The following KCNMA1 variants were observed in gnomAD, a reference collection of about 807,000 sequenced individuals.
The protein encoded by KCNMA1 is potassium calcium-activated channel subfamily M alpha 1.
A neutral mutation model predicts 140.0 loss-of-function variants in KCNMA1; 29 were observed. That is an observed-to-expected ratio of 0.21 (90% CI 0.15 to 0.28). The LOEUF is 0.28. Among genes scored for constraint, KCNMA1 ranks in the 10% least tolerant of loss-of-function variants. The probability of loss-of-function intolerance (pLI) is 1.00; values close to 1 mark genes in which losing one functional copy is unlikely to be tolerated. For synonymous variants in KCNMA1, 612 were observed against 611.9 expected (o/e 1.00, Z 0.00); for missense variants, 880 against 1,602.2 (o/e 0.55, Z 7.70).
chr10:77,383,347 G>A (rs889067978), intron 2 of KCNMA1, among the ~76,000 whole-genome samples: 1 of 151,792 alleles, frequency 6.6e-6, no homozygotes, highest in Non-Finnish European at 1.5e-5. Flanking sequence ...TGTGCTGGGG[G>A]CTTCTAGAAA....
In KCNMA1 at chr10:77,141,989, C is replaced by G. The variant is rs2098182597; in HGVS notation, c.809-20941G>C. On this transcript the variant is annotated intron_variant, in intron 5 of 27. Coordinates refer to ENST00000286628, the MANE Select transcript of KCNMA1 (RefSeq NM_001161352.2). Reference sequence around the variant, plus strand: ...TAACAGGAACAATGCACAAGTCCAGCCTTGGTGGCATTTATAGTATAATCA... The same window carrying G: ...TAACAGGAACAATGCACAAGTCCAGGCTTGGTGGCATTTATAGTATAATCA... 2.0e-5 allele frequency among the ~76,000 whole-genome samples: 3 copies of G among 152,264 alleles called. No homozygotes were observed. In the South Asian group the frequency reaches 6.2e-4, roughly 32 times the overall value.
At chr10:76,966,376 T>C (rs1043045459) in intron 20 of KCNMA1, among the ~76,000 whole-genome samples, 1 of 152,196 alleles carries the variant, frequency 6.6e-6, no homozygotes, top group African/African-American at 2.4e-5. Flanking sequence ...AAACTGAATG[T>C]GATTGTAACC....
At chr10:77,133,884 A>G (rs2097917330) in intron 5 of KCNMA1, among the ~76,000 whole-genome samples, 1 of 152,174 alleles carries the variant, frequency 6.6e-6, no homozygotes, top group Admixed American at 6.5e-5. Flanking sequence ...AAAATGCAAA[A>G]ATCATCTAAG....
chr10:76,913,033 T>G (rs1453265382), intron 24 of KCNMA1: 1 of 152,192 alleles, frequency 6.6e-6, no homozygotes, highest in Non-Finnish European at 1.5e-5. Context: ...TGCTGAGTGG[T>G]GGACAATTTA....
chr10:77,205,651 T>C (rs1370827789), intron 3 of KCNMA1, among the ~76,000 whole-genome samples: 2 of 152,222 alleles, frequency 1.3e-5, no homozygotes, highest in Admixed American at 6.5e-5. Context: ...ATGCTGCATA[T>C]ATGATGAAGA....
intron 1 of KCNMA1, among the ~76,000 whole-genome samples, chr10:77,630,647 T>C (rs1396211037): frequency 6.6e-6 from 1 of 152,206 alleles, no homozygotes; most frequent in African/African-American, 2.4e-5. Context: ...AGGGATGGAC[T>C]GCACGGAGGC....
At chr10:77,397,080 A>G (rs1040302555) in intron 2 of KCNMA1, among the ~76,000 whole-genome samples, 4 of 152,184 alleles carry the variant, frequency 2.6e-5, no homozygotes, top group African/African-American at 9.6e-5. Flanking sequence ...TGAGATCAAC[A>G]TGGAAATGAA....
intron 6 of KCNMA1, among the ~76,000 whole-genome samples, chr10:77,120,684 T>C (rs141117391): frequency 2.0e-5 from 3 of 152,124 alleles, no homozygotes; most frequent in Non-Finnish European, 4.4e-5. Flanking sequence ...GTGGCTCTTA[T>C]CTGGGCAACC....
At chr10:77,377,266 A>G (rs1241510298) in intron 2 of KCNMA1, among the ~76,000 whole-genome samples, 1 of 152,172 alleles carries the variant, frequency 6.6e-6, no homozygotes, top group African/African-American at 2.4e-5. Context: ...ACAGGAGAAC[A>G]GCATTTCCTA....
intron 12 of KCNMA1, among the ~76,000 whole-genome samples, chr10:77,082,829 A>G (rs1038700612): frequency 2.0e-5 from 3 of 152,190 alleles, no homozygotes; most frequent in African/African-American, 7.2e-5. Flanking sequence ...CATATTGCCA[A>G]AGAAAACTGA....
intron 5 of KCNMA1, among the ~76,000 whole-genome samples, chr10:77,178,627 C>T (rs111964651): frequency 3.9e-3 from 598 of 152,242 alleles, no homozygotes; most frequent in Middle Eastern, 6.8e-3. Context: ...ATCGCTTGAA[C>T]CCAGGAGGCA....
intron 1 of KCNMA1, among the ~76,000 whole-genome samples, chr10:77,582,569 T>TA (rs1359429467): frequency 6.6e-6 from 1 of 152,158 alleles, no homozygotes; most frequent in African/African-American, 2.4e-5. Flanking sequence ...TCCCAGAACT[T>TA]AAAGTAAAAT....
intron 2 of KCNMA1, among the ~76,000 whole-genome samples, chr10:77,386,561 G>T (rs2095610377): frequency 6.6e-6 from 1 of 152,242 alleles, no homozygotes; most frequent in Admixed American, 6.5e-5. Flanking sequence ...CAGTGAAACA[G>T]ATGCCAGGGT....
At chr10:77,081,639 C>G (rs1295536115) in intron 12 of KCNMA1, among the ~76,000 whole-genome samples, 1 of 152,176 alleles carries the variant, frequency 6.6e-6, no homozygotes, top group Non-Finnish European at 1.5e-5. Context: ...TAAAGCCTCT[C>G]CCAGCACAAA....
intron 1 of KCNMA1, among the ~76,000 whole-genome samples, chr10:77,411,094 C>G (rs2096609046): frequency 6.6e-6 from 1 of 152,210 alleles, no homozygotes; most frequent in African/African-American, 2.4e-5. Flanking sequence ...CCTCTGCCTC[C>G]TGGGTTCAAG....
At chr10:77,307,388 G>C (rs1006193755) in intron 2 of KCNMA1, among the ~76,000 whole-genome samples, 2 of 152,178 alleles carry the variant, frequency 1.3e-5, no homozygotes, top group African/African-American at 4.8e-5. Context: ...TGTACTTCAA[G>C]TACCCATACG....
intron 1 of KCNMA1, among the ~76,000 whole-genome samples, chr10:77,565,684 G>T (rs750398718): frequency 3.5e-4 from 54 of 152,360 alleles, no homozygotes; most frequent in Middle Eastern, 3.4e-3. Flanking sequence ...GAGGGTAGTT[G>T]TAAGAAGGAA....
chr10:77,026,086 C>T (rs1013799692), intron 16 of KCNMA1, among the ~76,000 whole-genome samples: 2 of 151,450 alleles, frequency 1.3e-5, no homozygotes, highest in Non-Finnish European at 2.9e-5. Flanking sequence ...AATTGAAGGG[C>T]CTATCCAAGA....
rs539845688 is a variant in KCNMA1, at chr10:77,390,067, T to C, written c.540+13795A>G. The stretch of plus-strand genomic sequence containing the variant: ...GGCACAGTAGATGTGAGCCTAACAC[T>C]TGTGGCCTTTGCTGATGAAGGACAG... On this transcript the variant is annotated intron_variant, in intron 2 of 27. Transcript: ENST00000286628. Among the ~76,000 whole-genome samples, 3 of 152,328 alleles carry C rather than the reference T, an allele frequency of 2.0e-5. No individual in the cohort carries two copies. In the South Asian group the frequency reaches 6.2e-4, roughly 32 times the overall value.
Sources: allele counts gnomAD v4.1 joint callset (sites outside exome capture counted in the v4.1 genomes callset), GRCh38; gene constraint gnomAD v4.1.1; transcripts MANE v1.5; gene names NCBI Gene and HGNC (gene_info 2026-07-23, HGNC 2026-07-21).